The following ASIC3 variants were observed in gnomAD, a reference collection of about 807,000 sequenced individuals.
The protein encoded by ASIC3 is acid-sensing ion channel 3.
ASIC3 carries 46 observed loss-of-function variants against 58.6 expected under a neutral mutation model. That is an observed-to-expected ratio of 0.79 (90% CI 0.62 to 1.00). The LOEUF (loss-of-function observed/expected upper bound fraction) is 1.00, where lower values mean the gene tolerates loss of function less well. Among genes scored for constraint, ASIC3 ranks in the 50% least tolerant of loss-of-function variants. The pLI, the probability that ASIC3 is intolerant of heterozygous loss-of-function variation, is 0.00. For missense variants in ASIC3, 770 were observed against 735.0 expected (o/e 1.05, Z -0.55); for synonymous variants, 336 against 300.2 (o/e 1.12, Z -1.23).
At position 151,049,210 on chromosome 7, in the gene ASIC3, T is replaced by C; in HGVS notation, c.325T>C (p.Trp109Arg). 1 of 1,613,004 alleles carries C rather than the reference T, an allele frequency of 6.2e-7. No individual in the cohort carries two copies. The highest frequency in any genetic ancestry group is 8.5e-7 in the Non-Finnish European group (1 of 1,179,524). ...RSRLTPNDLH[W>R]AGSALLGLDP... Reference sequence around the variant, plus strand: ...GCGCCTAACGCCCAACGACCTGCACTGGGCTGGGTCTGCGCTGCTGGGCCT... The same window carrying C: ...GCGCCTAACGCCCAACGACCTGCACCGGGCTGGGTCTGCGCTGCTGGGCCT... The change falls in exon 1 of 11, where the codon TGG (tryptophan) becomes CGG (arginine). Residue 109 changes from tryptophan (W) to arginine (R), a missense_variant. Trp to Arg is a moderately radical substitution (Grantham distance 101). Transcript: ENST00000349064.
chr7:151,050,515 G>T lies in ASIC3; in HGVS notation c.720G>T (p.Gln240His). ...CGTTTGAGGTGGGGATCCGAGTGCA[G>T]ATCCACAGCCAGGAGGAGCCGCCCA... The part of the protein sequence containing the change: ...ETPFEVGIRV[Q>H]IHSQEEPPII... The change falls in exon 3 of 11, where the codon CAG (glutamine) becomes CAT (histidine). Residue 240 changes from glutamine to histidine, a missense_variant. Gln to His is a conservative substitution (Grantham distance 24, BLOSUM62 0). Coordinates refer to ENST00000349064, the MANE Select transcript of ASIC3 (RefSeq NM_004769.4). The T allele has an allele frequency of 6.2e-7, 1 of 1,614,022 alleles. No individual in the cohort carries two copies. The highest frequency in any genetic ancestry group is 8.5e-7 in the Non-Finnish European group (1 of 1,179,960).
In ASIC3 at chr7:151,050,276, G is replaced by A. The variant is rs1044013929; in HGVS notation, c.685+20G>A. 3 of 1,604,840 alleles carry A rather than the reference G, an allele frequency of 1.9e-6. No individual in the cohort carries two copies. The highest frequency in any genetic ancestry group is 2.6e-6 in the Non-Finnish European group (3 of 1,172,980). Reference sequence around the variant, plus strand: ...ACAATGGTAGGGAGCACACAAATGAGGCTGGGGGAGGGCACGGATGGAGTG... The same window carrying A: ...ACAATGGTAGGGAGCACACAAATGAAGCTGGGGGAGGGCACGGATGGAGTG... On this transcript the variant is annotated intron_variant, in intron 2 of 10. Coordinates refer to ENST00000349064, the MANE Select transcript of ASIC3 (RefSeq NM_004769.4).
rs1796702925 is a variant in ASIC3 at position 151,049,196 on chromosome 7, C to T, written c.311C>T (p.Pro104Leu). ...CCACTGCGCCGCTCGCGCCTAACGC[C>T]CAACGACCTGCACTGGGCTGGGTCT... ...INPLRRSRLT[P>L]NDLHWAGSAL... Residue 104 changes from proline to leucine, a missense_variant, in exon 1 of 11, where the codon CCC becomes CTC. Coordinates refer to ENST00000349064, the MANE Select transcript of ASIC3 (RefSeq NM_004769.4). 1.2e-6 allele frequency: 2 copies of T among 1,613,328 alleles called. No homozygotes were observed. The highest frequency in any genetic ancestry group is 1.3e-5 in the African/African-American group (1 of 74,920).
At position 151,048,608 on chromosome 7, in the gene ASIC3, C is replaced by T. The variant is rs1384651091; in HGVS notation, c.-278C>T. On this transcript the variant is annotated 5_prime_UTR_variant, in exon 1 of 11. Transcript: ENST00000349064. ...CTGCCTGCCACGGTCAGCTACGTCC[C>T]ACCTGGTCTGCTGCGGAGTCCCCAG... is the stretch of plus-strand genomic sequence containing the variant. 6.7e-6 allele frequency: 3 copies of T among 448,938 alleles called. No homozygotes were observed. The highest frequency in any genetic ancestry group is 1.2e-5 in the Non-Finnish European group (3 of 254,874). The allele number at this position is 448,938 out of a possible 1,614,324, so 27.8% of individuals were successfully genotyped here. A position where few individuals can be genotyped will look rare whatever the true frequency, so the allele number is the denominator to read the frequency against.
At chr7:151,049,474 T>G in intron 1 of ASIC3, 55 bp downstream of exon 1, 1 of 1,514,202 alleles carries the variant, frequency 6.6e-7, no homozygotes, top group Non-Finnish European at 8.8e-7. Context: ...GACCAGTCCC[T>G]GCCCAGCACC....
chr7:151,050,663 C>T, intron 3 of ASIC3, 55 bp downstream of exon 3: 1 of 1,609,966 alleles, frequency 6.2e-7, no homozygotes, highest in South Asian at 1.1e-5. Context: ...CACCTCAGAC[C>T]CTAAACCCTC....
rs757016942 is a variant in ASIC3, at chr7:151,052,012, A to G, written c.1336A>G (p.Ile446Val). ...CATTGGGGGCCAGATGGGGCTGTTCATCGGGGCCAGCCTGCTCACCATCCT... is the reference window on the plus strand; with the variant it reads ...CATTGGGGGCCAGATGGGGCTGTTCGTCGGGGCCAGCCTGCTCACCATCCT... ...GDIGGQMGLFIGASLLTILEI... is the reference protein window; with the variant it reads ...GDIGGQMGLFVGASLLTILEI... Residue 446 changes from isoleucine (I) to valine (V), a missense_variant, in exon 8 of 11, where the codon ATC (isoleucine) becomes GTC (valine). Coordinates refer to ENST00000349064, the MANE Select transcript of ASIC3 (RefSeq NM_004769.4). This position sits in a 1 kb window ranked among gnomAD's most constrained non-coding sequence, Gnocchi z 5.0. 4.3e-6 allele frequency: 7 copies of G among 1,613,184 alleles called. No individual in the cohort carries two copies. Among genetic ancestry groups the G allele is most frequent in the Middle Eastern group, 1.6e-4 (1 of 6,082 alleles).
intron 1 of ASIC3, 177 bp from the exon 2 acceptor site, chr7:151,049,929 G>C: frequency 1.3e-6 from 1 of 774,580 alleles, no homozygotes; most frequent in Non-Finnish European, 2.1e-6. Flanking sequence ...GAGCTGAGTT[G>C]ATGGGCTCCC....
At chr7:151,050,291 C>T (rs1796737108) in intron 2 of ASIC3, 35 bp downstream of exon 2, 5 of 1,596,976 alleles carry the variant, frequency 3.1e-6, no homozygotes, top group South Asian at 1.1e-5. Context: ...GGGGAGGGCA[C>T]GGATGGAGTG....
intron 3 of ASIC3, 38 bp downstream of exon 3, chr7:151,050,646 C>T: frequency 6.2e-7 from 1 of 1,612,774 alleles, no homozygotes; most frequent in Non-Finnish European, 8.5e-7. Flanking sequence ...CTACTTCAAG[C>T]CCACACCACC....
At position 151,052,308 on chromosome 7, in the gene ASIC3, C is replaced by T. The variant is rs781422213; in HGVS notation, c.1458+71C>T. 5.6e-6 allele frequency: 9 copies of T among 1,612,570 alleles called. No individual in the cohort carries two copies. The highest frequency in any genetic ancestry group is 6.8e-6 in the Non-Finnish European group (8 of 1,179,384). ...GGGCCCACCCCTGAAGCCTAGACCA[C>T]CATCCCGCCCCAGCTGAGGAGAAAC... On this transcript the variant is annotated intron_variant, in intron 9 of 10. Coordinates refer to ENST00000349064, the MANE Select transcript of ASIC3 (RefSeq NM_004769.4). This position sits in a 1 kb window ranked among gnomAD's most constrained non-coding sequence, Gnocchi z 5.0.
Position 151,051,267 on chromosome 7 carries a change from G to T in ASIC3, c.1162G>T (p.Ala388Ser). The change falls in exon 6 of 11, where the codon GCC becomes TCC. Residue 388 changes from alanine to serine, a missense_variant. Ala to Ser is a moderately conservative substitution (Grantham distance 99). Coordinates refer to ENST00000349064, the MANE Select transcript of ASIC3 (RefSeq NM_004769.4). ...CTCCATGGTGCGGATCCCGAGCCGC[G>T]CCGCCGCGCGCTTCCTGGCCCGGAA... ...ELSMVRIPSR[A>S]AARFLARKLN... 2.6e-6 allele frequency: 4 copies of T among 1,530,518 alleles called. No homozygotes were observed. The highest frequency in any genetic ancestry group is 2.6e-6 in the Non-Finnish European group (3 of 1,146,958). The allele number at this position is 1,530,518 out of a possible 1,614,324, so 94.8% of individuals were successfully genotyped here.
rs1796697294 is a variant in ASIC3 at position 151,049,062 on chromosome 7, G to A, written c.177G>A (p.Gln59=). 1 of 1,613,712 alleles carries A rather than the reference G, an allele frequency of 6.2e-7. No homozygotes were observed. Among genetic ancestry groups the A allele is most frequent in the Admixed American group, 1.7e-5 (1 of 60,004 alleles). ...TGTCAGTGGCCACCTTCCTCTACCAGGTGGCTGAGAGGGTGCGCTACTACA... is the reference window on the plus strand; with the variant it reads ...TGTCAGTGGCCACCTTCCTCTACCAAGTGGCTGAGAGGGTGCGCTACTACA... ...VVLSVATFLY[Q]VAERVRYYRE... Residue 59 remains glutamine, a synonymous_variant, in exon 1 of 11, where the codon CAG becomes CAA. Transcript: ENST00000349064.
At chr7:151,051,001 T>C in intron 4 of ASIC3, 38 bp from the exon 5 acceptor site, 1 of 1,613,160 alleles carries the variant, frequency 6.2e-7, no homozygotes, top group Non-Finnish European at 8.5e-7. Flanking sequence ...CCCAGGGAGC[T>C]GAGGCTGCTT....
rs781338779 is a variant in ASIC3, at chr7:151,052,128, G to A, written c.1387-38G>A. The A allele has an allele frequency of 6.2e-7, 1 of 1,613,892 alleles. No homozygotes were observed. The highest frequency in any genetic ancestry group is 8.5e-7 in the Non-Finnish European group (1 of 1,179,918). Reference sequence around the variant, plus strand: ...TCAGGGCCCCTAGGATGAGGGGGAAGGTGTGCACTGGCCACCTCCCATCCT... The same window carrying A: ...TCAGGGCCCCTAGGATGAGGGGGAAAGTGTGCACTGGCCACCTCCCATCCT... On this transcript the variant is annotated intron_variant, in intron 8 of 10. Transcript: ENST00000349064. This position sits in a 1 kb window ranked among gnomAD's most constrained non-coding sequence, Gnocchi z 5.0.
Position 151,050,112 on chromosome 7 carries a change from A to T in ASIC3, c.541A>T (p.Thr181Ser), listed in dbSNP as rs1026180028. The change falls in exon 2 of 11, where the codon ACC (threonine) becomes TCC (serine). Residue 181 changes from threonine (T) to serine (S), a missense_variant. Physicochemically the swap from Thr to Ser is moderately conservative, Grantham distance 58. Transcript: ENST00000349064. ...CGPENFTTIFTRMGKCYTFNS... is the reference protein window; with the variant it reads ...CGPENFTTIFSRMGKCYTFNS... ...CCCTGTCTGCCCGCCCCAGATCTTC[A>T]CCCGGATGGGAAAGTGCTACACATT... 8.7e-6 allele frequency: 14 copies of T among 1,614,054 alleles called. No individual in the cohort carries two copies. Among genetic ancestry groups the T allele is most frequent in the Non-Finnish European group, 1.2e-5 (14 of 1,179,998 alleles).
intron 1 of ASIC3, 107 bp from the exon 2 acceptor site, chr7:151,049,999 C>T: frequency 6.9e-7 from 1 of 1,452,644 alleles, no homozygotes; most frequent in East Asian, 2.3e-5. Context: ...GAGATGCGGG[C>T]TTCAGTATTC....
Position 151,051,209 on chromosome 7 carries a change from C to T in ASIC3, c.1104C>T (p.Asn368=). 3.8e-6 allele frequency: 6 copies of T among 1,585,690 alleles called. No individual in the cohort carries two copies. The highest frequency in any genetic ancestry group is 5.1e-6 in the Non-Finnish European group (6 of 1,172,418). The part of the protein sequence containing the change: ...MLRKDSCACP[N]PCASTRYAKE... Reference sequence around the variant, plus strand: ...GCAAGGACTCGTGCGCCTGCCCCAACCCGTGCGCCAGCACGCGCTACGCCA... The same window carrying T: ...GCAAGGACTCGTGCGCCTGCCCCAATCCGTGCGCCAGCACGCGCTACGCCA... The change falls in exon 6 of 11, where the codon AAC becomes AAT. Residue 368 remains asparagine (N), a synonymous_variant. Transcript: ENST00000349064.
At position 151,048,694 on chromosome 7, in the gene ASIC3, C is replaced by G. The variant is rs1434821904; in HGVS notation, c.-192C>G. The G allele has an allele frequency of 1.0e-5, 7 of 666,774 alleles. No individual in the cohort carries two copies. In the Admixed American group the frequency reaches 1.4e-4, roughly 14 times the overall value. 41.3% of individuals were successfully genotyped at this position (666,774 alleles called of 1,614,324 possible). A position where few individuals can be genotyped will look rare whatever the true frequency, so the allele number is the denominator to read the frequency against. Reference sequence around the variant, plus strand: ...CTCGGGAAGGAACAGTGGGACCTGACCGGCCAGATCACCTCCTCCAATCCT... The same window carrying G: ...CTCGGGAAGGAACAGTGGGACCTGAGCGGCCAGATCACCTCCTCCAATCCT... On this transcript the variant is annotated 5_prime_UTR_variant, in exon 1 of 11. Transcript: ENST00000349064.
Sources: allele counts gnomAD v4.1 joint callset, GRCh38; gene constraint gnomAD v4.1.1; non-coding constraint Gnocchi (gnomAD v3.1); transcripts MANE v1.5; gene names NCBI Gene and HGNC (gene_info 2026-07-23, HGNC 2026-07-21).